Variants in INTS6L observed in about 807,000 individuals in gnomAD.
INTS6L encodes integrator complex subunit 6 like, also known as integrator complex subunit 6-like.
Under a neutral mutation model 64.7 loss-of-function variants are expected in INTS6L, and 18 were observed. That is an observed-to-expected ratio of 0.28 (90% CI 0.19 to 0.41). INTS6L has a LOEUF of 0.41. Ranked by LOEUF, INTS6L falls within the 10% of genes least tolerant of loss-of-function variation. INTS6L has a pLI of 1.00. For synonymous variants in INTS6L, 227 were observed against 235.9 expected (o/e 0.96, Z 0.34); for missense variants, 533 against 661.0 (o/e 0.81, Z 2.12).
chrX:135,554,832 A>T (rs1358994207), intron 8 of INTS6L, among the ~76,000 whole-genome samples: 5 of 106,921 alleles, frequency 4.7e-5, no homozygotes. Flanking sequence ...AGTCATATGG[A>T]ATTAAGATCA....
Position 135,553,481 on chromosome X carries a change from AT to A in INTS6L, c.1059+1358del, listed in dbSNP as rs1162273649. Among the ~76,000 whole-genome samples the A allele has an allele frequency of 4.1e-3, 332 of 80,749 alleles. 21 individuals carry two copies. Among genetic ancestry groups the A allele is most frequent in the East Asian group, 8.8e-3 (24 of 2,730 alleles). 70.1% of individuals were successfully genotyped at this position (80,749 alleles called of 115,157 possible). On this transcript the variant is annotated intron_variant, in intron 8 of 17. Transcript: ENST00000639893. ...CCACAATTCCTGGCTAATTTTTTAA[AT>A]TTTTTTTTTTTTTTTTTTTTTTAGA...
At chrX:135,528,617 G>A (rs1042100734) in intron 2 of INTS6L, among the ~76,000 whole-genome samples, 5 of 111,783 alleles carry the variant, frequency 4.5e-5, no homozygotes, top group African/African-American at 1.6e-4. Flanking sequence ...GTCTGTCAGT[G>A]GGTGCTTCAA....
chrX:135,553,481 A>ATT (rs1162273649), intron 8 of INTS6L, among the ~76,000 whole-genome samples: 2 of 80,780 alleles, frequency 2.5e-5, no homozygotes, highest in African/African-American at 8.5e-5. Flanking sequence ...AATTTTTTAA[A>ATT]TTTTTTTTTT....
intron 14 of INTS6L, among the ~76,000 whole-genome samples, chrX:135,576,394 T>G (rs1471220018): frequency 3.6e-5 from 4 of 110,061 alleles, no homozygotes; most frequent in Non-Finnish European, 7.6e-5. Context: ...AGTGAGTACA[T>G]GCACATTGTT....
intron 2 of INTS6L, among the ~76,000 whole-genome samples, chrX:135,541,135 G>C (rs782815954): frequency 9.0e-6 from 1 of 111,195 alleles, no homozygotes; most frequent in Non-Finnish European, 1.9e-5. Context: ...AGGCTGTCCT[G>C]TATGTCACTA....
chrX:135,552,247 C>A, intron 8 of INTS6L, 101 bp downstream of exon 8: 1 of 925,321 alleles, frequency 1.1e-6, no homozygotes, highest in Non-Finnish European at 1.4e-6. Flanking sequence ...ATTGGACTGA[C>A]TGTGCTAATG....
At chrX:135,563,268 C>T (rs1182065520) in intron 9 of INTS6L, among the ~76,000 whole-genome samples, 5 of 110,622 alleles carry the variant, frequency 4.5e-5, no homozygotes, top group Non-Finnish European at 3.8e-5. Flanking sequence ...CCCTTACCCT[C>T]CTCTATTTAT....
intron 2 of INTS6L, among the ~76,000 whole-genome samples, chrX:135,525,246 G>A (rs2085701199): frequency 8.9e-6 from 1 of 112,065 alleles, no homozygotes; most frequent in Admixed American, 9.4e-5. Context: ...TACTTTGAAA[G>A]AAAGTAAGCC....
chrX:135,560,937 C>CT (rs148244479), intron 9 of INTS6L, among the ~76,000 whole-genome samples: 7,017 of 87,367 alleles, frequency 0.08, 287 homozygotes, highest in Non-Finnish European at 0.12. Flanking sequence ...AATGCTCTTT[C>CT]TTTTTTTTTT....
intron 8 of INTS6L, among the ~76,000 whole-genome samples, chrX:135,554,431 A>G (rs1465310820): frequency 9.0e-6 from 1 of 111,674 alleles, no homozygotes; most frequent in East Asian, 2.8e-4. Context: ...ATGACACAAA[A>G]TCTAGTAGAC....
rs782700405 is a variant in INTS6L at position 135,525,502 on chromosome X, T to C, written c.189+4184T>C. ...AAGACATACATTTGAAAAAGTAAAA[T>C]TTTCCCTGAGTGTTGCCTTTTCCCA... On this transcript the variant is annotated intron_variant, in intron 2 of 17. Transcript: ENST00000639893. 2.3e-3 allele frequency among the ~76,000 whole-genome samples: 256 copies of C among 112,113 alleles called. 1 individual carries two copies. Among genetic ancestry groups the C allele is most frequent in the Admixed American group, 3.8e-3 (40 of 10,609 alleles).
chrX:135,546,214 GGTT>G (rs1171301650), intron 3 of INTS6L, among the ~76,000 whole-genome samples, 163 bp from the exon 4 acceptor site: 12 of 111,563 alleles, frequency 1.1e-4, no homozygotes, highest in African/African-American at 3.9e-4. Flanking sequence ...CCTCTTCAGG[GGTT>G]GTTATTTTTA....
chrX:135,581,663 C>A lies in INTS6L; in HGVS notation c.*27C>A, dbSNP rs781936445. On this transcript the variant is annotated 3_prime_UTR_variant, in exon 18 of 18. Coordinates refer to ENST00000639893, the MANE Select transcript of INTS6L (RefSeq NM_001351601.3). ...GCAAAGACCAGTGAGAAAAAAATGA[C>A]AAGTTTTCTGTGCTGTAGGATGGAA... 7.0e-6 allele frequency: 8 copies of A among 1,141,571 alleles called. No individual in the cohort carries two copies. The highest frequency in any genetic ancestry group is 1.8e-5 in the African/African-American group (1 of 56,361). The allele number at this position is 1,141,571 out of a possible 1,213,427, so 94.1% of individuals were successfully genotyped here.
intron 5 of INTS6L, 120 bp from the exon 6 acceptor site, chrX:135,547,017 G>A: frequency 9.1e-7 from 1 of 1,104,839 alleles, no homozygotes; most frequent in Non-Finnish European, 1.2e-6. Flanking sequence ...GTCATCATTG[G>A]TATATTTGCT....
At chrX:135,576,466 A>G (rs1453004020) in intron 14 of INTS6L, among the ~76,000 whole-genome samples, 1 of 111,812 alleles carries the variant, frequency 8.9e-6, no homozygotes, top group African/African-American at 3.2e-5. Flanking sequence ...TGTATTGTTT[A>G]TGAGTAAAAA....
In INTS6L at chrX:135,546,847, A is replaced by G. The variant is rs782586167; in HGVS notation, c.575A>G (p.Asp192Gly). The change falls in exon 5 of 18, where the codon GAT (aspartate) becomes GGT (glycine). Residue 192 changes from aspartate (D) to glycine (G), a missense_variant. Asp to Gly is a moderately conservative substitution (Grantham distance 94). Transcript: ENST00000639893. ...EPEQLGSVPT[D>G]ESAITQMCEV... ...GAGCAACTAGGGAGCGTACCAACTG[A>G]TGAATCTGCCATCACACAGATGTGT... is the stretch of plus-strand genomic sequence containing the variant. 1.6e-5 allele frequency: 19 copies of G among 1,208,590 alleles called. No individual in the cohort carries two copies. Among genetic ancestry groups the G allele is most frequent in the South Asian group, 7.1e-5 (4 of 56,494 alleles).
chrX:135,569,548 A>G, intron 10 of INTS6L, 117 bp downstream of exon 10: 1 of 416,269 alleles, frequency 2.4e-6, no homozygotes, highest in Non-Finnish European at 3.8e-6. Context: ...TTTATTTTAC[A>G]GATATTTGTG....
chrX:135,534,701 T>TTTA (rs1342708721), intron 2 of INTS6L, among the ~76,000 whole-genome samples: 5 of 99,541 alleles, frequency 5.0e-5, no homozygotes, highest in African/African-American at 1.8e-4. Context: ...TTTTTTTTTT[T>TTTA]AAATAGAGTC....
At chrX:135,530,978 C>A (rs1481744931) in intron 2 of INTS6L, among the ~76,000 whole-genome samples, 1 of 112,028 alleles carries the variant, frequency 8.9e-6, no homozygotes, top group African/African-American at 3.2e-5. Context: ...CTATATCCTG[C>A]CCTGTAGCTC....
Sources: gnomAD v4.1 joint callset for allele counts (sites outside exome capture counted in the v4.1 genomes callset) on GRCh38, gnomAD v4.1.1 for gene constraint, MANE v1.5 for transcripts, NCBI Gene and HGNC (gene_info 2026-07-23, HGNC 2026-07-21) for gene names.